Variants in AOX1 observed in about 807,000 individuals in gnomAD.
AOX1 encodes the protein aldehyde oxidase.
AOX1 carries 153 observed loss-of-function variants against 169.5 expected under a neutral mutation model. The ratio of observed to expected loss-of-function variants is 0.90; its 90% CI spans 0.79 to 1.03. The LOEUF (loss-of-function observed/expected upper bound fraction) is 1.03. AOX1 is among the 50% of genes least tolerant of loss of function. The probability of loss-of-function intolerance (pLI) is 0.00; values close to 1 mark genes in which losing one functional copy is unlikely to be tolerated. For missense variants in AOX1, 1,656 were observed against 1,663.9 expected (o/e 1.00, Z 0.08); for synonymous variants, 562 against 581.9 (o/e 0.97, Z 0.49).
At chr2:200,595,479 C>A in intron 3 of AOX1, 111 bp downstream of exon 3, 1 of 655,520 alleles carries the variant, frequency 1.5e-6, no homozygotes, top group Non-Finnish European at 2.5e-6. Flanking sequence ...AAAGAACTGG[C>A]CACTTGGCGT....
intron 26 of AOX1, among the ~76,000 whole-genome samples, chr2:200,652,782 T>G (rs1239040215): frequency 6.6e-6 from 1 of 152,218 alleles, no homozygotes; most frequent in Non-Finnish European, 1.5e-5. Context: ...TTGAAAAATA[T>G]GGTGAGGTGC....
At chr2:200,681,558 T>C (rs1268162620), downstream of AOX1, 2 of 152,604 alleles carry the variant, frequency 1.3e-5, no homozygotes, top group Non-Finnish European at 2.9e-5. Flanking sequence ...TGCTGGAGCA[T>C]TTTCATCCAA....
intron 10 of AOX1, among the ~76,000 whole-genome samples, chr2:200,607,166 A>G (rs1165819031): frequency 1.3e-5 from 2 of 152,198 alleles, no homozygotes; most frequent in Admixed American, 6.5e-5. Context: ...ATCAATACCT[A>G]GTTTATTGAA....
chr2:200,592,215 T>G (rs1291980956), intron 1 of AOX1, among the ~76,000 whole-genome samples: 1 of 152,154 alleles, frequency 6.6e-6, no homozygotes, highest in African/African-American at 2.4e-5. Context: ...CGGACTCTTC[T>G]AGGGCACAGA....
intron 34 of AOX1, 61 bp from the exon 35 acceptor site, chr2:200,670,568 T>C: frequency 2.1e-6 from 3 of 1,453,812 alleles, no homozygotes; most frequent in Non-Finnish European, 2.9e-6. Context: ...TGTTCTTCTA[T>C]TTTTCACCTA....
chr2:200,666,202 A>G (rs1320585189), intron 31 of AOX1, among the ~76,000 whole-genome samples: 1 of 152,256 alleles, frequency 6.6e-6, no homozygotes, highest in East Asian at 1.9e-4. Context: ...TGAAAAGTCT[A>G]GAACAGCAGA....
chr2:200,610,879 A>C (rs550905359), intron 12 of AOX1, among the ~76,000 whole-genome samples: 1 of 152,088 alleles, frequency 6.6e-6, no homozygotes, highest in African/African-American at 2.4e-5. Flanking sequence ...TTTTAGATGG[A>C]GTCTCACTTT....
rs1253603363 is a variant in AOX1 at position 200,641,097 on chromosome 2, G to A, written c.2569-1G>A. 5 of 1,612,696 alleles carry A rather than the reference G, an allele frequency of 3.1e-6. No homozygotes were observed. In the Admixed American group the frequency reaches 6.7e-5, roughly 22 times the overall value. ...CATTCGATATCGGTTCTCTTCCCCA[G>A]GCTGGATTCATGAACGATGGCAGAA... On this transcript the variant is annotated splice_acceptor_variant, in intron 23 of 34. Transcript: ENST00000374700. LOFTEE classifies it high-confidence loss of function.
At chr2:200,670,312 C>T (rs1472968451) in intron 34 of AOX1, among the ~76,000 whole-genome samples, 1 of 152,186 alleles carries the variant, frequency 6.6e-6, no homozygotes, top group African/African-American at 2.4e-5. Flanking sequence ...AAAGCCCCTC[C>T]CATCCTCCAC....
chr2:200,591,908 G>A (rs1456761632), intron 1 of AOX1, among the ~76,000 whole-genome samples: 1 of 152,066 alleles, frequency 6.6e-6, no homozygotes, highest in African/African-American at 2.4e-5. Context: ...AGAAGAGAAA[G>A]GAGTTTAGAG....
At chr2:200,643,765 G>A (rs1019459636) in intron 25 of AOX1, among the ~76,000 whole-genome samples, 10 of 152,252 alleles carry the variant, frequency 6.6e-5, no homozygotes, top group African/African-American at 2.4e-4. Flanking sequence ...CAAGAGTAAG[G>A]TGGTGTAGCA....
chr2:200,616,550 C>G (rs1395363920), intron 16 of AOX1, among the ~76,000 whole-genome samples: 1 of 152,224 alleles, frequency 6.6e-6, no homozygotes, highest in African/African-American at 2.4e-5. Context: ...CTCCCTTAGT[C>G]TCTATTCTTC....
At chr2:200,669,155 T>G (rs138695458) in intron 33 of AOX1, among the ~76,000 whole-genome samples, 26 of 152,194 alleles carry the variant, frequency 1.7e-4, no homozygotes, top group African/African-American at 5.5e-4. Context: ...AACAAAAAAT[T>G]TATATAGGCC....
Position 200,621,179 on chromosome 2 carries a change from A to G in AOX1, c.1934A>G (p.Glu645Gly). 6.2e-7 allele frequency: 1 copy of G among 1,614,172 alleles called. No homozygotes were observed. Among genetic ancestry groups the G allele is most frequent in the Non-Finnish European group, 8.5e-7 (1 of 1,180,016 alleles). ...MPGVVDIMTAEHLSDVNSFCF... is the reference protein window; with the variant it reads ...MPGVVDIMTAGHLSDVNSFCF... ...GGTGTGGTGGACATCATGACAGCAGAACATCTTAGTGACGTCAACTCCTTC... is the reference window on the plus strand; with the variant it reads ...GGTGTGGTGGACATCATGACAGCAGGACATCTTAGTGACGTCAACTCCTTC... Residue 645 changes from glutamate to glycine, a missense_variant, in exon 18 of 35, where the codon GAA (glutamate) becomes GGA (glycine). By Grantham distance (98) the Glu-to-Gly change is moderately conservative. Transcript: ENST00000374700.
At position 200,587,114 on chromosome 2, in the gene AOX1, C is replaced by A. The variant is rs370186349; in HGVS notation, c.45+961C>A. 4.6e-3 allele frequency among the ~76,000 whole-genome samples: 679 copies of A among 146,760 alleles called. 3 individuals carry two copies. Among genetic ancestry groups the A allele is most frequent in the African/African-American group, 0.012 (449 of 37,094 alleles). ...AAACCTTGTCTCTACAAAAAAAAAACCAAACAAAACAAAACAACAACAACA... is the reference window on the plus strand; with the variant it reads ...AAACCTTGTCTCTACAAAAAAAAAAACAAACAAAACAAAACAACAACAACA... On this transcript the variant is annotated intron_variant, in intron 1 of 34. Coordinates refer to ENST00000374700, the MANE Select transcript of AOX1 (RefSeq NM_001159.4).
rs2035760304 is a variant in AOX1 at position 200,659,209 on chromosome 2, G to A, written c.3216G>A (p.Leu1072=). The A allele has an allele frequency of 1.2e-6, 2 of 1,613,816 alleles. No individual in the cohort carries two copies. The change falls in exon 28 of 35, where the codon CTG becomes CTA. Residue 1072 remains leucine, a synonymous_variant. Transcript: ENST00000374700. ...ELRMPMSNVH[L]RGTSTETVPN... ...GAATGCCAATGTCGAATGTCCACCT[G>A]CGTGGAACAAGCACAGAAACTGTCC... is the stretch of plus-strand genomic sequence containing the variant.
At chr2:200,611,573 A>G in intron 13 of AOX1, 80 bp downstream of exon 13, 4 of 922,712 alleles carry the variant, frequency 4.3e-6, no homozygotes, top group Non-Finnish European at 7.1e-6. Context: ...GTGGAATAAG[A>G]AAAAGGGTGA....
intron 19 of AOX1, among the ~76,000 whole-genome samples, chr2:200,626,399 C>T: frequency 6.6e-6 from 1 of 152,208 alleles, no homozygotes; most frequent in East Asian, 1.9e-4. Context: ...CCCCAACTAC[C>T]AACAGAATGG....
rs772909651 is a variant in AOX1 at position 200,613,918 on chromosome 2, C to T, written c.1563C>T (p.Ser521=). The T allele has an allele frequency of 7.4e-6, 12 of 1,612,474 alleles. No homozygotes were observed. In the Admixed American group the frequency reaches 2.0e-4, roughly 27 times the overall value. Residue 521 remains serine, a synonymous_variant, in exon 15 of 35, where the codon AGC becomes AGT. Coordinates refer to ENST00000374700, the MANE Select transcript of AOX1 (RefSeq NM_001159.4). Reference sequence around the variant, plus strand: ...AGTTCAAGAGGACTCTCATCATCAGCTTCCTCTTCAAGTTCTACCTGGAAG... The same window carrying T: ...AGTTCAAGAGGACTCTCATCATCAGTTTCCTCTTCAAGTTCTACCTGGAAG... ...KVEFKRTLII[S]FLFKFYLEVS... is the part of the protein sequence containing the mutation.
Sources: allele counts gnomAD v4.1 joint callset (sites outside exome capture counted in the v4.1 genomes callset), GRCh38; gene constraint gnomAD v4.1.1; transcripts MANE v1.5; gene names NCBI Gene and HGNC (gene_info 2026-07-23, HGNC 2026-07-21).